The following GRIN2B variants were observed in gnomAD, a reference collection of about 807,000 sequenced individuals.
The protein encoded by GRIN2B is glutamate receptor ionotropic, NMDA 2B.
In GRIN2B, 5 loss-of-function variants were observed where a neutral mutation model predicts 114.5. The ratio of observed to expected loss-of-function variants is 0.04; its 90% CI spans 0.02 to 0.09. The LOEUF is 0.09. GRIN2B is among the 10% of genes least tolerant of loss of function. GRIN2B has a pLI of 1.00. For missense variants in GRIN2B, 1,108 were observed against 1,943.5 expected (o/e 0.57, Z 8.08); for synonymous variants, 787 against 745.1 (o/e 1.06, Z -0.92).
chr12:13,823,019 C>A (rs1864966685), intron 3 of GRIN2B, among the ~76,000 whole-genome samples: 1 of 152,068 alleles, frequency 6.6e-6, no homozygotes, highest in Non-Finnish European at 1.5e-5. Context: ...CATTTCTGAG[C>A]CCCATTCTGT....
At chr12:13,910,831 C>T (rs1866616616) in intron 2 of GRIN2B, among the ~76,000 whole-genome samples, 1 of 152,132 alleles carries the variant, frequency 6.6e-6, no homozygotes, top group Admixed American at 6.5e-5. Context: ...CTCATGGCAT[C>T]TCTCAGGAAC....
chr12:13,775,543 T>C (rs1055901887), intron 3 of GRIN2B, among the ~76,000 whole-genome samples: 3 of 152,212 alleles, frequency 2.0e-5, no homozygotes, highest in Non-Finnish European at 2.9e-5. Flanking sequence ...TCTGTCTGCC[T>C]ATCTGATGTC....
intron 3 of GRIN2B, among the ~76,000 whole-genome samples, chr12:13,801,233 G>T (rs1389724230): frequency 6.6e-6 from 1 of 152,116 alleles, no homozygotes; most frequent in African/African-American, 2.4e-5. Context: ...GGAATGTATT[G>T]TGCAAATGTT....
rs1199096599 is a variant in GRIN2B, at chr12:13,542,236, C to T, written c.*20547G>A. 6.6e-6 allele frequency: 1 copy of T among 150,918 alleles called. No individual in the cohort carries two copies. The highest frequency in any genetic ancestry group is 2.0e-4 in the East Asian group (1 of 5,082). The allele number at this position is 150,918 out of a possible 1,614,324, so 9.3% of individuals were successfully genotyped here. A position where few individuals can be genotyped will look rare whatever the true frequency, so the allele number is the denominator to read the frequency against. ...GCAGAAGCAAAGTTGCTTTCCAATC[C>T]TTTTTATTTGATTTTTTTTTTAAAG... On this transcript the variant is annotated 3_prime_UTR_variant, in exon 14 of 14. Coordinates refer to ENST00000609686, the MANE Select transcript of GRIN2B (RefSeq NM_000834.5).
Position 13,561,436 on chromosome 12 carries a change from C to T in GRIN2B, c.*1347G>A, listed in dbSNP as rs1326449375. The T allele has an allele frequency of 6.6e-6, 1 of 152,504 alleles. No individual in the cohort carries two copies. Among genetic ancestry groups the T allele is most frequent in the Admixed American group, 6.5e-5 (1 of 15,272 alleles). 9.4% of individuals were successfully genotyped at this position (152,504 alleles called of 1,614,324 possible). ...CAGCTCATTTCTCTTAAAGGTCAAG[C>T]TCATTTCTCTTAACTGTCTGCTCTG... On this transcript the variant is annotated 3_prime_UTR_variant, in exon 14 of 14. Coordinates refer to ENST00000609686, the MANE Select transcript of GRIN2B (RefSeq NM_000834.5).
At chr12:13,870,373 T>A (rs545226920) in intron 2 of GRIN2B, among the ~76,000 whole-genome samples, 1 of 152,240 alleles carries the variant, frequency 6.6e-6, no homozygotes, top group African/African-American at 2.4e-5. Flanking sequence ...GTTCACTCAT[T>A]TGGCTCTTTG....
intron 2 of GRIN2B, among the ~76,000 whole-genome samples, chr12:13,878,317 G>T (rs189993209): frequency 6.6e-6 from 1 of 152,140 alleles, no homozygotes; most frequent in African/African-American, 2.4e-5. Context: ...CACAGCTTCC[G>T]CTAAGCAATC....
intron 4 of GRIN2B, among the ~76,000 whole-genome samples, chr12:13,700,837 C>T (rs907651142): frequency 4.6e-5 from 7 of 152,194 alleles, no homozygotes; most frequent in Non-Finnish European, 1.0e-4. Flanking sequence ...GAAAAATCCA[C>T]AATGGAAACT....
intron 4 of GRIN2B, among the ~76,000 whole-genome samples, chr12:13,724,847 T>C (rs1355111381): frequency 6.6e-6 from 1 of 152,112 alleles, no homozygotes; most frequent in Non-Finnish European, 1.5e-5. Context: ...GAAGTAGAAA[T>C]TCTAGGCAAG....
intron 3 of GRIN2B, among the ~76,000 whole-genome samples, chr12:13,841,982 T>C (rs2136715803): frequency 6.6e-6 from 1 of 152,224 alleles, no homozygotes; most frequent in Middle Eastern, 3.4e-3. Flanking sequence ...AAATAATTAG[T>C]CTGCAAATTG....
At chr12:13,623,703 G>T (rs1949540670) in intron 5 of GRIN2B, among the ~76,000 whole-genome samples, 1 of 152,016 alleles carries the variant, frequency 6.6e-6, no homozygotes, top group South Asian at 2.1e-4. Context: ...CATCTCTCAG[G>T]TATGCTTGAA....
At chr12:13,647,975 C>CCCCTAAGATATCTTT (rs1371499698) in intron 5 of GRIN2B, among the ~76,000 whole-genome samples, 4 of 152,032 alleles carry the variant, frequency 2.6e-5, no homozygotes, top group African/African-American at 9.7e-5. Flanking sequence ...GTTGAGATAT[C>CCCCTAAGATATCTTT]TTAGGGGCTG....
intron 10 of GRIN2B, among the ~76,000 whole-genome samples, chr12:13,573,325 C>T (rs1948730585): frequency 6.7e-6 from 1 of 148,802 alleles, no homozygotes; most frequent in Non-Finnish European, 1.5e-5. Context: ...GTGGCAGGCA[C>T]CTGTAGTCCC....
chr12:13,680,566 T>C (rs1312372682), intron 4 of GRIN2B, among the ~76,000 whole-genome samples: 1 of 151,820 alleles, frequency 6.6e-6, no homozygotes, highest in Non-Finnish European at 1.5e-5. Flanking sequence ...AGTTCTAATA[T>C]TACACAGAAT....
chr12:13,698,379 C>T (rs918292853), intron 4 of GRIN2B, among the ~76,000 whole-genome samples: 4 of 152,122 alleles, frequency 2.6e-5, no homozygotes, highest in Non-Finnish European at 4.4e-5. Context: ...TTTGTGGAGA[C>T]AAGTAAATAT....
chr12:13,615,352 T>G lies in GRIN2B; in HGVS notation c.1501-85A>C, dbSNP rs555838142. ...GGAAAATACAGCCTATCAGTGGTTT[T>G]CTTTGTATAGTGGGAACAATACATC... On this transcript the variant is annotated intron_variant, in intron 7 of 13. Transcript: ENST00000609686. This position sits in a 1 kb window ranked among gnomAD's most constrained non-coding sequence, Gnocchi z 5.8. 1 of 1,482,160 alleles carries G rather than the reference T, an allele frequency of 6.7e-7. No homozygotes were observed. Among genetic ancestry groups the G allele is most frequent in the Non-Finnish European group, 9.4e-7 (1 of 1,060,140 alleles). 91.8% of individuals were successfully genotyped at this position (1,482,160 alleles called of 1,614,324 possible). A position where few individuals can be genotyped will look rare whatever the true frequency, so the allele number is the denominator to read the frequency against.
intron 5 of GRIN2B, 104 bp downstream of exon 5, chr12:13,675,641 A>T: frequency 1.3e-6 from 1 of 776,152 alleles, no homozygotes; most frequent in Non-Finnish European, 2.4e-6. Flanking sequence ...CCCTTGCTCC[A>T]CAGGTCTAGG....
chr12:13,628,309 C>T (rs1301546602), intron 5 of GRIN2B, among the ~76,000 whole-genome samples: 1 of 152,058 alleles, frequency 6.6e-6, no homozygotes. Flanking sequence ...TGCAGAAGAC[C>T]CCTGGGAGTC....
At chr12:13,932,488 C>T (rs1423339286) in intron 2 of GRIN2B, among the ~76,000 whole-genome samples, 1 of 152,232 alleles carries the variant, frequency 6.6e-6, no homozygotes, top group Non-Finnish European at 1.5e-5. Context: ...ATGCCTACCA[C>T]TTAATTGGCA....
Sources: gnomAD v4.1 joint callset for allele counts (sites outside exome capture counted in the v4.1 genomes callset) on GRCh38, gnomAD v4.1.1 for gene constraint, Gnocchi (gnomAD v3.1) non-coding constraint, MANE v1.5 for transcripts, NCBI Gene and HGNC (gene_info 2026-07-23, HGNC 2026-07-21) for gene names.